The following LRBA variants were observed in gnomAD, a reference collection of about 807,000 sequenced individuals.
LRBA encodes LPS responsive beige-like anchor protein, also known as lipopolysaccharide-responsive and beige-like anchor protein.
In LRBA, 176 loss-of-function variants were observed where a neutral mutation model predicts 330.0. That is an observed-to-expected ratio of 0.53 (90% CI 0.47 to 0.60). The LOEUF is 0.60. Among genes scored for constraint, LRBA ranks in the 20% least tolerant of loss-of-function variants. The probability of loss-of-function intolerance (pLI) is 0.00; values close to 1 mark genes in which losing one functional copy is unlikely to be tolerated. For synonymous variants in LRBA, 1,230 were observed against 1,193.0 expected, an observed-to-expected ratio of 1.03 and a Z score of -0.64; for missense variants, 3,259 against 3,444.8, an observed-to-expected ratio of 0.95 and a Z score of 1.35.
chr4:150,473,859 A>C (rs1215137072), intron 42 of LRBA, among the ~76,000 whole-genome samples: 3 of 152,154 alleles, frequency 2.0e-5, no homozygotes, highest in Non-Finnish European at 4.4e-5. Context: ...TTCTCTGAAG[A>C]ATGCAGACTA....
intron 2 of LRBA, among the ~76,000 whole-genome samples, chr4:150,989,264 C>T (rs1741803996): frequency 6.6e-6 from 1 of 152,142 alleles, no homozygotes; most frequent in East Asian, 1.9e-4. Flanking sequence ...CCACGGCCTC[C>T]CAAAGAGCTG....
chr4:150,323,803 C>T (rs188120385), intron 49 of LRBA, among the ~76,000 whole-genome samples: 63 of 152,318 alleles, frequency 4.1e-4, no homozygotes, highest in Middle Eastern at 3.4e-3. Flanking sequence ...GTGACAGCAG[C>T]AGCTGCAGAT....
chr4:150,406,226 A>T (rs947322623), intron 47 of LRBA, among the ~76,000 whole-genome samples: 4 of 152,192 alleles, frequency 2.6e-5, no homozygotes, highest in Admixed American at 2.0e-4. Flanking sequence ...AAAGAAAATA[A>T]TTAATAAAAT....
intron 37 of LRBA, among the ~76,000 whole-genome samples, chr4:150,673,428 C>G (rs1258333722): frequency 6.6e-6 from 1 of 152,060 alleles, no homozygotes; most frequent in Admixed American, 6.6e-5. Flanking sequence ...AGGAATAAAA[C>G]ATAAGGAAAA....
At chr4:150,363,162 T>A (rs1738966885) in intron 47 of LRBA, among the ~76,000 whole-genome samples, 1 of 151,790 alleles carries the variant, frequency 6.6e-6, no homozygotes, top group Non-Finnish European at 1.5e-5. Context: ...CAAAAAACAG[T>A]TTAGCTCATG....
chr4:150,817,115 C>G lies in LRBA; in HGVS notation c.5305+9G>C, dbSNP rs375870356. 3 of 1,609,272 alleles carry G rather than the reference C, an allele frequency of 1.9e-6. 1 individual carries two copies. Among genetic ancestry groups the G allele is most frequent in the Non-Finnish European group, 8.5e-7 (1 of 1,177,496 alleles). On this transcript the variant is annotated intron_variant, in intron 31 of 56. Transcript: ENST00000651943. ...ACATTTTTGTTGAAATCACTGATAACTAACTCACCTGGTGATTCTCCTCCC... is the reference window on the plus strand; with the variant it reads ...ACATTTTTGTTGAAATCACTGATAAGTAACTCACCTGGTGATTCTCCTCCC...
chr4:150,734,771 G>C (rs1262241228), intron 36 of LRBA, among the ~76,000 whole-genome samples: 2 of 152,162 alleles, frequency 1.3e-5, no homozygotes, highest in East Asian at 3.9e-4. Flanking sequence ...CAAGGAGAGA[G>C]GTGTGTGCTC....
chr4:150,890,745 G>C (rs761980135), intron 17 of LRBA, among the ~76,000 whole-genome samples: 1 of 152,122 alleles, frequency 6.6e-6, no homozygotes, highest in African/African-American at 2.4e-5. Context: ...TAGTCACAAG[G>C]ACAATGAAGT....
At chr4:150,527,075 C>A (rs184517131) in intron 40 of LRBA, among the ~76,000 whole-genome samples, 1 of 151,094 alleles carries the variant, frequency 6.6e-6, no homozygotes, top group East Asian at 1.9e-4. Flanking sequence ...TTCTGTGCCT[C>A]GCTGATTATT....
At chr4:150,906,923 T>C (rs1351950476) in intron 11 of LRBA, among the ~76,000 whole-genome samples, 1 of 151,948 alleles carries the variant, frequency 6.6e-6, no homozygotes, top group Non-Finnish European at 1.5e-5. Context: ...GACAGTTAAC[T>C]TGGAGGCAAA....
At chr4:150,334,505 T>C (rs1734377670) in intron 48 of LRBA, among the ~76,000 whole-genome samples, 1 of 151,936 alleles carries the variant, frequency 6.6e-6, no homozygotes, top group Non-Finnish European at 1.5e-5. Context: ...TGTATGTGTA[T>C]ATATATATAA....
intron 37 of LRBA, among the ~76,000 whole-genome samples, chr4:150,676,153 T>A (rs559043040): frequency 3.3e-5 from 5 of 152,328 alleles, no homozygotes; most frequent in Admixed American, 2.6e-4. Context: ...CATAACCAGT[T>A]AATGACAACG....
intron 53 of LRBA, among the ~76,000 whole-genome samples, chr4:150,288,394 G>C (rs546619244): frequency 4.6e-5 from 7 of 152,182 alleles, no homozygotes; most frequent in African/African-American, 1.7e-4. Flanking sequence ...GATCACCTGA[G>C]GTTACGAGTT....
chr4:150,881,934 A>G (rs1332346844), intron 17 of LRBA, among the ~76,000 whole-genome samples: 2 of 152,074 alleles, frequency 1.3e-5, no homozygotes, highest in African/African-American at 4.8e-5. Context: ...TAAAAATACA[A>G]AATTAGTTGG....
intron 53 of LRBA, among the ~76,000 whole-genome samples, chr4:150,291,830 CCAA>C (rs1580917636): frequency 6.6e-6 from 1 of 151,582 alleles, no homozygotes; most frequent in South Asian, 2.1e-4. Context: ...ACCCAAATGT[CCAA>C]CAACGATAGA....
intron 22 of LRBA, among the ~76,000 whole-genome samples, chr4:150,860,886 C>T (rs1751835977): frequency 6.6e-6 from 1 of 151,946 alleles, no homozygotes; most frequent in African/African-American, 2.4e-5. Flanking sequence ...AAGATATGTT[C>T]TGAGAAATGC....
At chr4:150,832,062 T>C (rs1747284182) in intron 28 of LRBA, 86 bp from the exon 29 acceptor site, 2 of 761,782 alleles carry the variant, frequency 2.6e-6, no homozygotes, top group African/African-American at 1.8e-5. Flanking sequence ...ATACAAAACA[T>C]GTTCACAAAT....
At chr4:150,970,726 G>T (rs960012129) in intron 2 of LRBA, 2 of 151,936 alleles carry the variant, frequency 1.3e-5, no homozygotes, top group African/African-American at 4.8e-5. Flanking sequence ...GCCTAACTCC[G>T]CTTAGCTTCA....
chr4:150,647,510 C>T (rs771242735), intron 37 of LRBA, among the ~76,000 whole-genome samples: 1 of 150,712 alleles, frequency 6.6e-6, no homozygotes, highest in Non-Finnish European at 1.5e-5. Flanking sequence ...AGGTGCATAC[C>T]AACACACCTA....
Sources: allele counts gnomAD v4.1 joint callset (sites outside exome capture counted in the v4.1 genomes callset), GRCh38; gene constraint gnomAD v4.1.1; transcripts MANE v1.5; gene names NCBI Gene and HGNC (gene_info 2026-07-23, HGNC 2026-07-21).